Variants in TRIM60 observed in about 807,000 individuals in gnomAD.
The protein encoded by TRIM60 is tripartite motif containing 60.
For missense variants in TRIM60, 524 were observed against 540.8 expected, an observed-to-expected ratio of 0.97 and a Z score of 0.31; for synonymous variants, 189 against 195.2, an observed-to-expected ratio of 0.97 and a Z score of 0.27.
intron 1 of TRIM60, 32 bp from the exon 2 acceptor site, chr4:165,039,169 T>C (rs1158271108): frequency 6.6e-6 from 1 of 152,082 alleles, no homozygotes; most frequent in Non-Finnish European, 1.5e-5. Context: ...AAAAGTTCTC[T>C]ATAGATGGTA....
rs1313568785 is a variant in TRIM60, at chr4:165,040,109, G to T, written c.37G>T (p.Glu13Ter). The change falls in exon 3 of 3, where the codon GAG becomes TAG. Residue 13 changes from glutamate (E) to a stop codon, truncating the protein, a stop_gained. Transcript: ENST00000512596. LOFTEE classifies it low-confidence loss of function (END_TRUNC). ...FVTALVNLQEESSCPICLEYL... is the reference protein window; with the variant it reads ...FVTALVNLQE Reference sequence around the variant, plus strand: ...GACAGCCCTGGTGAACCTCCAAGAGGAGTCTAGCTGTCCCATCTGTCTGGA... The same window carrying T: ...GACAGCCCTGGTGAACCTCCAAGAGTAGTCTAGCTGTCCCATCTGTCTGGA... The T allele has an allele frequency of 6.2e-7, 1 of 1,613,150 alleles. No individual in the cohort carries two copies. The highest frequency in any genetic ancestry group is 8.5e-7 in the Non-Finnish European group (1 of 1,180,024).
At chr4:165,034,057 G>C (rs1733564461) in intron 1 of TRIM60, among the ~76,000 whole-genome samples, 1 of 152,152 alleles carries the variant, frequency 6.6e-6, no homozygotes, top group African/African-American at 2.4e-5. Context: ...CTGGAAGATG[G>C]GTTAGGGGAA....
intron 1 of TRIM60, among the ~76,000 whole-genome samples, chr4:165,032,532 A>G (rs543511625): frequency 4.6e-5 from 7 of 152,304 alleles, no homozygotes; most frequent in Admixed American, 3.3e-4. Flanking sequence ...TACAGGCGTG[A>G]GCCACCGTGC....
chr4:165,033,026 CAAA>C (rs552897039), intron 1 of TRIM60, among the ~76,000 whole-genome samples: 3 of 82,178 alleles, frequency 3.7e-5, no homozygotes, highest in Admixed American at 1.5e-4. Context: ...CCTGTCTCTA[CAAA>C]AAAAAAAAAA....
chr4:165,035,168 A>C (rs1383034605), intron 1 of TRIM60, among the ~76,000 whole-genome samples: 3 of 152,134 alleles, frequency 2.0e-5, no homozygotes, highest in Non-Finnish European at 4.4e-5. Context: ...GGGCTCAAGG[A>C]ATCCTCTCAC....
In TRIM60 at chr4:165,041,502, G is replaced by C; in HGVS notation, c.*14G>C. The C allele has an allele frequency of 6.7e-7, 1 of 1,494,890 alleles. No individual in the cohort carries two copies. The highest frequency in any genetic ancestry group is 1.4e-5 in the African/African-American group (1 of 71,384). 92.6% of individuals were successfully genotyped at this position (1,494,890 alleles called of 1,614,324 possible). ...TCTGAAAGATAAGGAACTGGTAAAT[G>C]GGTCTGTTTCAGTTTTTGTAGGTAA... On this transcript the variant is annotated 3_prime_UTR_variant, in exon 3 of 3. Transcript: ENST00000512596.
rs201735168 is a variant in TRIM60 at position 165,041,316 on chromosome 4, T to C, written c.1244T>C (p.Ile415Thr). ...QLLPVVKPSK[I>T]GIFLDYELGD... ...CTGCCAGTAGTAAAACCCAGTAAAA[T>C]TGGTATTTTTCTGGACTATGAATTG... Residue 415 changes from isoleucine (I) to threonine (T), a missense_variant, in exon 3 of 3, where the codon ATT becomes ACT. Coordinates refer to ENST00000512596, the MANE Select transcript of TRIM60 (RefSeq NM_152620.3). 4.7e-5 allele frequency: 76 copies of C among 1,614,130 alleles called. No individual in the cohort carries two copies. Among genetic ancestry groups the C allele is most frequent in the African/African-American group, 1.5e-4 (11 of 75,008 alleles).
intron 2 of TRIM60, among the ~76,000 whole-genome samples, chr4:165,039,861 T>C (rs887937663): frequency 6.6e-6 from 1 of 151,490 alleles, no homozygotes. Flanking sequence ...GCTGTAAGCT[T>C]TGAATTATTA....
rs200745587 is a variant in TRIM60, at chr4:165,041,414, G to A, written c.1342G>A (p.Val448Ile). 30 of 1,611,990 alleles carry A rather than the reference G, an allele frequency of 1.9e-5. No homozygotes were observed. Among genetic ancestry groups the A allele is most frequent in the Middle Eastern group, 1.6e-4 (1 of 6,076 alleles). Residue 448 changes from valine to isoleucine, a missense_variant, in exon 3 of 3, where the codon GTT becomes ATT. By Grantham distance (29) the Val-to-Ile change is conservative. Coordinates refer to ENST00000512596, the MANE Select transcript of TRIM60 (RefSeq NM_152620.3). ...TTTTAACGATTGTTTCACAGAAGCC[G>A]TTTGGCCTTATTTCTATACTGGAAC... Reference protein sequence around the residue: ...YTFNDCFTEAVWPYFYTGTDS... With the variant: ...YTFNDCFTEAIWPYFYTGTDS...
Position 165,041,000 on chromosome 4 carries a change from GTC to G in TRIM60, c.932_933del (p.Ser311Ter). On this transcript the variant is annotated frameshift_variant, in exon 3 of 3. Transcript: ENST00000512596. LOFTEE classifies it low-confidence loss of function (END_TRUNC). ...CAACACAGCACATCCTCAACTTCTT[GTC>G]TCTGAGGATAGAAAAGCTGTGCGAT... is the stretch of plus-strand genomic sequence containing the variant. Reference protein sequence around the residue: ...DLNTAHPQLLVSEDRKAVRYE... With the variant: ...DLNTAHPQLLXSEDRKAVRYE... 1 of 1,614,056 alleles carries G rather than the reference GTC, an allele frequency of 6.2e-7. No homozygotes were observed. Among genetic ancestry groups the G allele is most frequent in the South Asian group, 1.1e-5 (1 of 91,076 alleles).
chr4:165,034,178 A>T (rs1237206735), intron 1 of TRIM60, among the ~76,000 whole-genome samples: 2 of 147,534 alleles, frequency 1.4e-5, no homozygotes, highest in Admixed American at 6.8e-5. Flanking sequence ...TTTTAAGATG[A>T]CTCTCACTCT....
At chr4:165,037,149 C>T (rs1733639285) in intron 1 of TRIM60, among the ~76,000 whole-genome samples, 1 of 151,638 alleles carries the variant, frequency 6.6e-6, no homozygotes, top group African/African-American at 2.4e-5. Flanking sequence ...TGCAGTGAGC[C>T]GAGACTGCAC....
intron 1 of TRIM60, 107 bp from the exon 2 acceptor site, chr4:165,039,094 G>C (rs936771865): frequency 6.6e-6 from 1 of 151,648 alleles, no homozygotes; most frequent in African/African-American, 2.4e-5. Flanking sequence ...ATATATAATA[G>C]AATTTTATAT....
rs1331422731 is a variant in TRIM60, at chr4:165,041,562, T to C, written c.*74T>C. ...TAAATTTAATCTCATTTCTGGACTC[T>C]TTAAGTTTTACCACTGAAAACCAGA... is the stretch of plus-strand genomic sequence containing the variant. On this transcript the variant is annotated 3_prime_UTR_variant, in exon 3 of 3. Coordinates refer to ENST00000512596, the MANE Select transcript of TRIM60 (RefSeq NM_152620.3). The C allele has an allele frequency of 1.8e-6, 2 of 1,131,038 alleles. No individual in the cohort carries two copies. The highest frequency in any genetic ancestry group is 1.6e-5 in the African/African-American group (1 of 64,052). 70.1% of individuals were successfully genotyped at this position (1,131,038 alleles called of 1,614,324 possible). A position where few individuals can be genotyped will look rare whatever the true frequency, so the allele number is the denominator to read the frequency against.
At chr4:165,033,205 A>C (rs1384241025) in intron 1 of TRIM60, among the ~76,000 whole-genome samples, 1 of 152,096 alleles carries the variant, frequency 6.6e-6, no homozygotes, top group African/African-American at 2.4e-5. Context: ...TAAAATAAAT[A>C]AGGTAATAGA....
At chr4:165,032,684 C>T (rs1182890615) in intron 1 of TRIM60, among the ~76,000 whole-genome samples, 1 of 152,202 alleles carries the variant, frequency 6.6e-6, no homozygotes, top group Non-Finnish European at 1.5e-5. Context: ...AAGGACCTCC[C>T]ACCCTACAGC....
chr4:165,036,379 T>A (rs1158908653), intron 1 of TRIM60, among the ~76,000 whole-genome samples: 1 of 152,340 alleles, frequency 6.6e-6, no homozygotes, highest in East Asian at 1.9e-4. Flanking sequence ...CCTAATAATT[T>A]GTGTGATATC....
chr4:165,040,410 A>G lies in TRIM60; in HGVS notation c.338A>G (p.Glu113Gly), dbSNP rs2111217706. Residue 113 changes from glutamate to glycine, a missense_variant, in exon 3 of 3, where the codon GAG becomes GGG. Physicochemically the swap from Glu to Gly is moderately conservative, Grantham distance 98 (BLOSUM62 -2). Coordinates refer to ENST00000512596, the MANE Select transcript of TRIM60 (RefSeq NM_152620.3). ...ACCCTCTTCTGTGTTAAAGATCTAG[A>G]GATCTTATGTACACAGTGCAGTTTC... is the stretch of plus-strand genomic sequence containing the variant. ...FLTLFCVKDL[E>G]ILCTQCSFST... The G allele has an allele frequency of 6.2e-7, 1 of 1,614,222 alleles. No individual in the cohort carries two copies. The highest frequency in any genetic ancestry group is 1.3e-5 in the African/African-American group (1 of 75,066).
Position 165,040,755 on chromosome 4 carries a change from C to A in TRIM60, c.683C>A (p.Ser228Tyr). 5.6e-6 allele frequency: 9 copies of A among 1,614,038 alleles called. No homozygotes were observed. The highest frequency in any genetic ancestry group is 7.6e-6 in the Non-Finnish European group (9 of 1,179,978). The change falls in exon 3 of 3, where the codon TCC (serine) becomes TAC (tyrosine). Residue 228 changes from serine (S) to tyrosine (Y), a missense_variant. Coordinates refer to ENST00000512596, the MANE Select transcript of TRIM60 (RefSeq NM_152620.3). ...CTTGTAGAACTTTCAGATTATGTTT[C>A]CACATTAAAACATCTACTGAGGGAG... ...ENLVELSDYVSTLKHLLREVE... is the reference protein window; with the variant it reads ...ENLVELSDYVYTLKHLLREVE...
Sources: allele counts gnomAD v4.1 joint callset (sites outside exome capture counted in the v4.1 genomes callset), GRCh38; gene constraint gnomAD v4.1.1; transcripts MANE v1.5; gene names NCBI Gene and HGNC (gene_info 2026-07-23, HGNC 2026-07-21).